Variants in RFX3 observed in about 807,000 individuals in gnomAD.
RFX3 encodes regulatory factor X3.
Under a neutral mutation model 98.6 loss-of-function variants are expected in RFX3, and 14 were observed. The observed-to-expected ratio is 0.14, with a 90% confidence interval of 0.09 to 0.22. RFX3 has a LOEUF of 0.22. Among genes scored for constraint, RFX3 ranks in the 10% least tolerant of loss-of-function variants. The probability of loss-of-function intolerance (pLI) is 1.00; values close to 1 mark genes in which losing one functional copy is unlikely to be tolerated. For missense variants in RFX3, 639 were observed against 926.9 expected, an observed-to-expected ratio of 0.69 and a Z score of 4.03; for synonymous variants, 383 against 328.4, an observed-to-expected ratio of 1.17 and a Z score of -1.80.
At chr9:3,504,384 CAT>C (rs1432926796) in intron 1 of RFX3, among the ~76,000 whole-genome samples, 1 of 110,338 alleles carries the variant, frequency 9.1e-6, no homozygotes, top group Non-Finnish European at 1.6e-5. Flanking sequence ...TTATATACCA[CAT>C]AGCATATATT....
chr9:3,314,907 A>T (rs1830408227), intron 4 of RFX3, among the ~76,000 whole-genome samples: 1 of 152,152 alleles, frequency 6.6e-6, no homozygotes, highest in Admixed American at 6.5e-5. Flanking sequence ...AGACTTAGAC[A>T]TCCACACAAT....
At chr9:3,424,465 C>T (rs552617974) in intron 1 of RFX3, among the ~76,000 whole-genome samples, 7 of 147,858 alleles carry the variant, frequency 4.7e-5, no homozygotes, top group Non-Finnish European at 1.0e-4. Flanking sequence ...GGGTTCACGC[C>T]ATTCTCCTGC....
At chr9:3,402,619 A>G (rs1473871800) in intron 1 of RFX3, among the ~76,000 whole-genome samples, 2 of 151,930 alleles carry the variant, frequency 1.3e-5, no homozygotes, top group Non-Finnish European at 2.9e-5. Flanking sequence ...TAAAACATAG[A>G]ACCAAAATTA....
intron 1 of RFX3, among the ~76,000 whole-genome samples, chr9:3,424,555 C>G (rs370122210): frequency 6.6e-6 from 1 of 150,654 alleles, no homozygotes; most frequent in Admixed American, 6.6e-5. Flanking sequence ...AGAGACGGGG[C>G]TTCACCGTGT....
At chr9:3,502,052 C>T (rs1489317990) in intron 1 of RFX3, among the ~76,000 whole-genome samples, 4 of 151,026 alleles carry the variant, frequency 2.6e-5, no homozygotes, top group African/African-American at 9.7e-5. Context: ...GAGATCGAGA[C>T]CATTCTTGCT....
At chr9:3,461,324 A>G (rs1011781417) in intron 1 of RFX3, among the ~76,000 whole-genome samples, 1 of 151,978 alleles carries the variant, frequency 6.6e-6, no homozygotes, top group African/African-American at 2.4e-5. Flanking sequence ...TTTAACAGAT[A>G]CCGTGTTAGA....
At chr9:3,340,611 C>T (rs1303664536) in intron 3 of RFX3, among the ~76,000 whole-genome samples, 1 of 152,166 alleles carries the variant, frequency 6.6e-6, no homozygotes, top group Non-Finnish European at 1.5e-5. Flanking sequence ...ACAGACACTT[C>T]TCGAAAGAAG....
rs571043586 is a variant in RFX3, at chr9:3,399,633, C to T, written c.-8-4037G>A. 4.7e-4 allele frequency among the ~76,000 whole-genome samples: 71 copies of T among 152,032 alleles called. 2 individuals carry two copies. Among genetic ancestry groups the T allele is most frequent in the African/African-American group, 1.7e-3 (70 of 41,482 alleles). ...GAGGGTAATCAGAAATCTATTTCTA[C>T]ATATAAAGATTGAAGTAGAAAATTG... On this transcript the variant is annotated intron_variant, in intron 1 of 16. Transcript: ENST00000617270.
chr9:3,399,796 A>T (rs1158777554), intron 1 of RFX3, among the ~76,000 whole-genome samples: 1 of 151,704 alleles, frequency 6.6e-6, no homozygotes, highest in Non-Finnish European at 1.5e-5. Context: ...CTAAAATACA[A>T]AAATTAGCCA....
chr9:3,448,191 C>A (rs1846225735), intron 1 of RFX3, among the ~76,000 whole-genome samples: 1 of 152,016 alleles, frequency 6.6e-6, no homozygotes, highest in Non-Finnish European at 1.5e-5. Context: ...TCTTACAATT[C>A]ACAGTGGTTT....
At chr9:3,358,504 G>A (rs931113637) in intron 2 of RFX3, among the ~76,000 whole-genome samples, 33 of 152,152 alleles carry the variant, frequency 2.2e-4, no homozygotes, top group African/African-American at 7.5e-4. Flanking sequence ...ATATAAATAC[G>A]TCTCTTGATC....
At chr9:3,282,497 G>T (rs1244209298) in intron 7 of RFX3, among the ~76,000 whole-genome samples, 1 of 151,836 alleles carries the variant, frequency 6.6e-6, no homozygotes, top group East Asian at 1.9e-4. Flanking sequence ...AGCTGCTGGC[G>T]AAAATCAGAG....
At chr9:3,423,661 G>T (rs1027751554) in intron 1 of RFX3, among the ~76,000 whole-genome samples, 16 of 151,544 alleles carry the variant, frequency 1.1e-4, no homozygotes, top group Middle Eastern at 6.9e-3. Context: ...GGAGCTTCGG[G>T]AAGTATAAAA....
chr9:3,377,770 T>A (rs1174490453), intron 2 of RFX3, among the ~76,000 whole-genome samples: 1 of 152,178 alleles, frequency 6.6e-6, no homozygotes, highest in East Asian at 1.9e-4. Context: ...AAATGTTCTG[T>A]ATTTTGACTT....
In RFX3 at chr9:3,346,732, T is replaced by C; in HGVS notation, c.150A>G (p.Gln50=). 1 of 1,613,660 alleles carries C rather than the reference T, an allele frequency of 6.2e-7. No homozygotes were observed. Among genetic ancestry groups the C allele is most frequent in the African/African-American group, 1.3e-5 (1 of 75,030 alleles). ...VQQVQTVQQV[Q]HVYPAQVQYV... ...ACTGCACCTGAGCGGGATAGACATG[T>C]TGTACCTGCTGCACAGTCTGTACCT... The change falls in exon 3 of 17, where the codon CAA becomes CAG. Residue 50 remains glutamine (Q), a synonymous_variant. Coordinates refer to ENST00000617270, the MANE Select transcript of RFX3 (RefSeq NM_001282116.2).
intron 1 of RFX3, among the ~76,000 whole-genome samples, chr9:3,498,916 T>C (rs1851298962): frequency 1.3e-5 from 2 of 152,104 alleles, no homozygotes; most frequent in Admixed American, 6.6e-5. Flanking sequence ...CTAATAAACC[T>C]GTAGGCTTCC....
At chr9:3,228,290 A>AAT (rs1818030609) in intron 16 of RFX3, among the ~76,000 whole-genome samples, 1 of 152,148 alleles carries the variant, frequency 6.6e-6, no homozygotes, top group South Asian at 2.1e-4. Flanking sequence ...GTTCTTCAGA[A>AAT]ATATATATCA....
intron 2 of RFX3, among the ~76,000 whole-genome samples, chr9:3,355,557 T>C (rs150061370): frequency 8.6e-4 from 130 of 152,004 alleles, no homozygotes; most frequent in Admixed American, 1.3e-3. Context: ...AAGCAAAAAC[T>C]GATATAACGG....
chr9:3,420,621 T>G (rs1261718921), intron 1 of RFX3, among the ~76,000 whole-genome samples: 4 of 152,102 alleles, frequency 2.6e-5, no homozygotes, highest in Non-Finnish European at 5.9e-5. Flanking sequence ...TAACTGTAGA[T>G]TTTAGAGTCT....
Sources: allele counts gnomAD v4.1 joint callset (sites outside exome capture counted in the v4.1 genomes callset), GRCh38; gene constraint gnomAD v4.1.1; transcripts MANE v1.5; gene names NCBI Gene and HGNC (gene_info 2026-07-23, HGNC 2026-07-21).